Variants in GABRG2 observed in about 807,000 individuals in gnomAD.
The protein encoded by GABRG2 is gamma-aminobutyric acid type A receptor subunit gamma2.
GABRG2 carries 16 observed loss-of-function variants against 56.4 expected under a neutral mutation model. The ratio of observed to expected loss-of-function variants is 0.28; its 90% CI spans 0.19 to 0.43. The LOEUF (loss-of-function observed/expected upper bound fraction) is 0.43, where lower values mean the gene tolerates loss of function less well. GABRG2 is among the 20% of genes least tolerant of loss of function. The pLI, the probability that GABRG2 is intolerant of heterozygous loss-of-function variation, is 1.00. For missense variants in GABRG2, 327 were observed against 582.7 expected (o/e 0.56, Z 4.52); for synonymous variants, 208 against 205.5 (o/e 1.01, Z -0.10).
chr5:162,073,267 GTT>G (rs34161555), intron 1 of GABRG2, among the ~76,000 whole-genome samples: 2 of 148,242 alleles, frequency 1.3e-5, no homozygotes, highest in East Asian at 2.0e-4. Context: ...CTGAAATTAG[GTT>G]TTTTTTTTAA....
intron 6 of GABRG2, chr5:162,129,284 A>G (rs1191905710): frequency 1.3e-5 from 2 of 151,998 alleles, no homozygotes; most frequent in Non-Finnish European, 2.9e-5. Context: ...ATTTTCCACA[A>G]AAGTTGATAC....
chr5:162,070,006 T>C (rs1052324890), intron 1 of GABRG2, among the ~76,000 whole-genome samples: 11 of 152,192 alleles, frequency 7.2e-5, no homozygotes, highest in African/African-American at 2.4e-4. Flanking sequence ...TAAAATATTA[T>C]GTATTTTCTC....
At chr5:162,096,526 T>G (rs1486727248) in intron 3 of GABRG2, among the ~76,000 whole-genome samples, 1 of 152,168 alleles carries the variant, frequency 6.6e-6, no homozygotes, top group Non-Finnish European at 1.5e-5. Context: ...CATCACTAAT[T>G]GGTTGACAAA....
At chr5:162,113,941 G>A (rs1392235682) in intron 6 of GABRG2, among the ~76,000 whole-genome samples, 1 of 152,278 alleles carries the variant, frequency 6.6e-6, no homozygotes, top group East Asian at 1.9e-4. Flanking sequence ...ACCAAGCCCA[G>A]TTGTAATTTC....
chr5:162,125,225 T>TTA (rs1763249353), intron 6 of GABRG2, among the ~76,000 whole-genome samples: 2 of 151,710 alleles, frequency 1.3e-5, no homozygotes, highest in East Asian at 1.9e-4. Context: ...TTTCCAACAT[T>TTA]TATATATATA....
intron 7 of GABRG2, among the ~76,000 whole-genome samples, chr5:162,145,263 C>T (rs1043994397): frequency 6.6e-6 from 1 of 151,944 alleles, no homozygotes; most frequent in African/African-American, 2.4e-5. Flanking sequence ...AGTTTGGTGC[C>T]CAGGTGGTAG....
In GABRG2 at chr5:162,153,383, T is replaced by C. The variant is rs780936760; in HGVS notation, c.*15T>C. 119 of 1,613,500 alleles carry C rather than the reference T, an allele frequency of 7.4e-5. No homozygotes were observed. Among genetic ancestry groups the C allele is most frequent in the Admixed American group, 2.8e-4 (17 of 59,980 alleles). Reference sequence around the variant, plus strand: ...TCTACCTGTGAGGAGGTATGGGTTTTACTGATATGGTTCTTATTCACTGAG... The same window carrying C: ...TCTACCTGTGAGGAGGTATGGGTTTCACTGATATGGTTCTTATTCACTGAG... On this transcript the variant is annotated 3_prime_UTR_variant, in exon 10 of 10. Coordinates refer to ENST00000639213, the MANE Select transcript of GABRG2 (RefSeq NM_198904.4).
chr5:162,069,120 G>T (rs1281316040), intron 1 of GABRG2, among the ~76,000 whole-genome samples: 1 of 152,108 alleles, frequency 6.6e-6, no homozygotes, highest in Non-Finnish European at 1.5e-5. Flanking sequence ...AAATTTACTT[G>T]AACTTTCCTG....
Position 162,075,653 on chromosome 5 carries a change from G to A in GABRG2, c.107+7547G>A, listed in dbSNP as rs145582699. On this transcript the variant is annotated intron_variant, in intron 1 of 9. Transcript: ENST00000639213. ...TATGCTTAATTAAGTAATAAAAATTGCACTCATTTTCCCCCAAATTTTATT... is the reference window on the plus strand; with the variant it reads ...TATGCTTAATTAAGTAATAAAAATTACACTCATTTTCCCCCAAATTTTATT... Among the ~76,000 whole-genome samples the A allele has an allele frequency of 1.8e-3, 275 of 151,778 alleles. 3 individuals carry two copies. The highest frequency in any genetic ancestry group is 6.3e-3 in the African/African-American group (259 of 41,334).
chr5:162,098,097 A>C, intron 4 of GABRG2: 1 of 533,524 alleles, frequency 1.9e-6, no homozygotes, highest in South Asian at 2.2e-5. Flanking sequence ...TGCTGTGAAA[A>C]CTATTTTTTG....
chr5:162,087,596 G>A (rs149598128), intron 1 of GABRG2, among the ~76,000 whole-genome samples: 1 of 152,146 alleles, frequency 6.6e-6, no homozygotes, highest in East Asian at 1.9e-4. Context: ...ACTTCTTTGG[G>A]TTGAAGTCAA....
chr5:162,099,654 A>G (rs1319741945), intron 4 of GABRG2: 3 of 152,186 alleles, frequency 2.0e-5, no homozygotes, highest in East Asian at 3.9e-4. Context: ...GAAGCCAATC[A>G]TACTATCTCA....
In GABRG2 at chr5:162,101,257, C is replaced by A. The variant is rs1334776746; in HGVS notation, c.571C>A (p.Gln191Lys). The A allele has an allele frequency of 6.2e-7, 1 of 1,609,838 alleles. No homozygotes were observed. The highest frequency in any genetic ancestry group is 8.5e-7 in the Non-Finnish European group (1 of 1,176,472). ...TLRLTIDAEC[Q>K]LQLHNFPMDE... Reference sequence around the variant, plus strand: ...TAGGTTGACAATTGATGCTGAGTGCCAATTACAATTGCACAACTTTCCAAT... The same window carrying A: ...TAGGTTGACAATTGATGCTGAGTGCAAATTACAATTGCACAACTTTCCAAT... Residue 191 changes from glutamine (Q) to lysine (K), a missense_variant, in exon 5 of 10, where the codon CAA becomes AAA. This residue lies in a region of GABRG2 where 104 missense variants were observed against 209.3 expected (regional missense o/e 0.50). Coordinates refer to ENST00000639213, the MANE Select transcript of GABRG2 (RefSeq NM_198904.4).
At chr5:162,135,998 G>C (rs1416971506) in intron 6 of GABRG2, among the ~76,000 whole-genome samples, 1 of 152,148 alleles carries the variant, frequency 6.6e-6, no homozygotes, top group African/African-American at 2.4e-5. Context: ...ATATGTATAG[G>C]CATGATCAGA....
intron 6 of GABRG2, among the ~76,000 whole-genome samples, chr5:162,117,885 T>C (rs1201685081): frequency 6.6e-6 from 1 of 152,024 alleles, no homozygotes; most frequent in African/African-American, 2.4e-5. Context: ...GTGATGATAA[T>C]GATGATGATG....
At chr5:162,097,146 T>A (rs185220886) in intron 3 of GABRG2, among the ~76,000 whole-genome samples, 266 of 152,244 alleles carry the variant, frequency 1.7e-3, no homozygotes, top group Non-Finnish European at 3.0e-3. Flanking sequence ...ACAGTGGTGG[T>A]TCTGAATCTG....
chr5:162,117,817 T>A (rs780294507), intron 6 of GABRG2, among the ~76,000 whole-genome samples: 1 of 152,140 alleles, frequency 6.6e-6, no homozygotes, highest in Non-Finnish European at 1.5e-5. Context: ...GATATTTTGG[T>A]CCTAAAAATC....
At chr5:162,103,748 A>G in intron 5 of GABRG2, 141 bp from the exon 6 acceptor site, 1 of 867,082 alleles carries the variant, frequency 1.2e-6, no homozygotes, top group Non-Finnish European at 1.9e-6. Context: ...TTCTCATTGC[A>G]ATGCCCTTTG....
chr5:162,140,021 T>C (rs549240029), intron 6 of GABRG2, among the ~76,000 whole-genome samples: 58 of 152,330 alleles, frequency 3.8e-4, no homozygotes, highest in African/African-American at 1.2e-3. Context: ...TGTTATATTC[T>C]AAATTAGGAC....
Sources: allele counts gnomAD v4.1 joint callset (sites outside exome capture counted in the v4.1 genomes callset), GRCh38; gene constraint gnomAD v4.1.1; regional missense constraint gnomAD v4.1.1; transcripts MANE v1.5; gene names NCBI Gene and HGNC (gene_info 2026-07-23, HGNC 2026-07-21).